Variants in XPO4 observed in about 807,000 individuals in gnomAD.
The protein encoded by XPO4 is exportin-4.
In XPO4, 39 loss-of-function variants were observed where a neutral mutation model predicts 143.0. That is an observed-to-expected ratio of 0.27 (90% CI 0.21 to 0.36). The LOEUF (loss-of-function observed/expected upper bound fraction) is 0.36, where lower values mean the gene tolerates loss of function less well. Ranked by LOEUF, XPO4 falls within the 10% of genes least tolerant of loss-of-function variation. The pLI is 1.00. For synonymous variants in XPO4, 439 were observed against 474.0 expected (o/e 0.93, Z 0.96); for missense variants, 907 against 1,348.0 (o/e 0.67, Z 5.12).
intron 4 of XPO4, chr13:20,852,136 C>T (rs1447681684): frequency 1.0e-6 from 1 of 985,294 alleles, no homozygotes; most frequent in African/African-American, 1.7e-5. Flanking sequence ...AAAATCCTGG[C>T]TGGAATGATC....
chr13:20,841,222 CTT>C (rs748112689), intron 6 of XPO4, among the ~76,000 whole-genome samples: 7 of 152,226 alleles, frequency 4.6e-5, no homozygotes, highest in Non-Finnish European at 8.8e-5. Context: ...TTTTCAATAT[CTT>C]TTCTTTCCCC....
Position 20,807,581 on chromosome 13 carries a change from T to C in XPO4, c.1693A>G (p.Ile565Val). 3.7e-6 allele frequency: 6 copies of C among 1,612,902 alleles called. No individual in the cohort carries two copies. Among genetic ancestry groups the C allele is most frequent in the Non-Finnish European group, 5.1e-6 (6 of 1,179,676 alleles). Residue 565 changes from isoleucine to valine, a missense_variant, in exon 13 of 23, where the codon ATA (isoleucine) becomes GTA (valine). Ile to Val is a conservative substitution (Grantham distance 29). Coordinates refer to ENST00000255305, the MANE Select transcript of XPO4 (RefSeq NM_022459.5). ...GAATGCTTAATGGAATATTCCATTA[T>C]TTCTGGAGGTATTAGCGGAGTCTCT... ...QGETPLIPPEIMEYSIKHSSE... is the reference protein window; with the variant it reads ...QGETPLIPPEVMEYSIKHSSE...
At chr13:20,799,654 G>A (rs2059407334) in intron 15 of XPO4, among the ~76,000 whole-genome samples, 1 of 152,120 alleles carries the variant, frequency 6.6e-6, no homozygotes. Context: ...GACATGCTTA[G>A]AAGAGTACAT....
intron 9 of XPO4, among the ~76,000 whole-genome samples, chr13:20,820,292 T>A (rs571142165): frequency 2.0e-5 from 3 of 152,316 alleles, no homozygotes; most frequent in Non-Finnish European, 4.4e-5. Flanking sequence ...GATGTCAGTG[T>A]CCTCAAATAA....
intron 1 of XPO4, among the ~76,000 whole-genome samples, chr13:20,889,500 T>G (rs1238333005): frequency 1.3e-5 from 2 of 152,152 alleles, no homozygotes; most frequent in African/African-American, 4.8e-5. Context: ...AACTAGTGGA[T>G]AGAGGGTAGG....
chr13:20,849,592 C>T, intron 4 of XPO4: 1 of 985,322 alleles, frequency 1.0e-6, no homozygotes, highest in Non-Finnish European at 1.2e-6. Context: ...AACCACGTAA[C>T]CTTTATAATT....
chr13:20,798,528 A>C (rs753338606), intron 16 of XPO4, among the ~76,000 whole-genome samples: 25 of 152,220 alleles, frequency 1.6e-4, no homozygotes, highest in African/African-American at 2.4e-4. Flanking sequence ...AGACAGGAGA[A>C]TATTTCCCTG....
chr13:20,792,893 T>C (rs1462913434), intron 18 of XPO4, among the ~76,000 whole-genome samples: 2 of 152,054 alleles, frequency 1.3e-5, no homozygotes, highest in Admixed American at 1.3e-4. Flanking sequence ...GTTCAAGCGA[T>C]TCTCCTGCCT....
rs746494622 is a variant in XPO4 at position 20,807,438 on chromosome 13, G to C, written c.1817+19C>G. On this transcript the variant is annotated intron_variant, in intron 13 of 22. Transcript: ENST00000255305. Reference sequence around the variant, plus strand: ...ACAGTATAAAAATTACAAGAGCACAGCTATAGAGTTTATATTACCTAATCA... The same window carrying C: ...ACAGTATAAAAATTACAAGAGCACACCTATAGAGTTTATATTACCTAATCA... The C allele has an allele frequency of 3.1e-6, 5 of 1,602,708 alleles. No homozygotes were observed. The highest frequency in any genetic ancestry group is 4.3e-6 in the Non-Finnish European group (5 of 1,175,474).
At chr13:20,867,603 T>A (rs2060255447) in intron 2 of XPO4, among the ~76,000 whole-genome samples, 1 of 152,122 alleles carries the variant, frequency 6.6e-6, no homozygotes, top group Non-Finnish European at 1.5e-5. Context: ...AGTTGCTACA[T>A]CAGCACTCTT....
intron 4 of XPO4, chr13:20,850,797 T>C (rs2060077184): frequency 1.0e-6 from 1 of 985,098 alleles, no homozygotes; most frequent in South Asian, 4.7e-5. Context: ...GAAACCAATA[T>C]GCTTCAAAAG....
intron 18 of XPO4, among the ~76,000 whole-genome samples, chr13:20,791,305 C>T (rs1191079668): frequency 1.3e-5 from 2 of 152,124 alleles, no homozygotes; most frequent in African/African-American, 2.4e-5. Flanking sequence ...GATAACATTT[C>T]ATTGCCAGTA....
chr13:20,788,664 T>C, intron 19 of XPO4, 48 bp from the exon 20 acceptor site: 2 of 1,482,580 alleles, frequency 1.3e-6, no homozygotes. Context: ...GTATCCAATT[T>C]CTATTTTCAT....
At chr13:20,834,955 A>G (rs1188914063) in intron 6 of XPO4, among the ~76,000 whole-genome samples, 2 of 152,160 alleles carry the variant, frequency 1.3e-5, no homozygotes, top group South Asian at 4.1e-4. Flanking sequence ...GCAAGACCCT[A>G]TCTCTATAAA....
chr13:20,891,357 T>C (rs1411008273), intron 1 of XPO4, among the ~76,000 whole-genome samples: 1 of 152,164 alleles, frequency 6.6e-6, no homozygotes, highest in African/African-American at 2.4e-5. Context: ...TAACTCAACA[T>C]GTATTTATCA....
intron 1 of XPO4, among the ~76,000 whole-genome samples, chr13:20,891,990 G>C (rs976733551): frequency 1.3e-5 from 2 of 151,662 alleles, no homozygotes; most frequent in African/African-American, 2.4e-5. Flanking sequence ...GCTGCCAGTC[G>C]AACATCAAAA....
chr13:20,884,795 A>C (rs1006604531), intron 1 of XPO4, among the ~76,000 whole-genome samples: 2 of 152,210 alleles, frequency 1.3e-5, no homozygotes, highest in African/African-American at 4.8e-5. Flanking sequence ...AGCTGCAGTG[A>C]ACTTTAATTA....
chr13:20,871,235 C>T (rs1307247995), intron 1 of XPO4, among the ~76,000 whole-genome samples: 1 of 152,128 alleles, frequency 6.6e-6, no homozygotes, highest in African/African-American at 2.4e-5. Context: ...TGCTGGAATG[C>T]AGGGGCATGA....
In XPO4 at chr13:20,782,744, A is replaced by C. The variant is rs1199801425; in HGVS notation, c.*978T>G. 6.6e-6 allele frequency: 1 copy of C among 152,636 alleles called. No individual in the cohort carries two copies. The highest frequency in any genetic ancestry group is 1.5e-5 in the Non-Finnish European group (1 of 68,034). 9.5% of individuals were successfully genotyped at this position (152,636 alleles called of 1,614,324 possible). On this transcript the variant is annotated 3_prime_UTR_variant, in exon 23 of 23. Transcript: ENST00000255305. ...AAGGGGCAACAGGTTCATAGCAGCTAACACCCTAAACCAACTCTGAAGCAT... is the reference window on the plus strand; with the variant it reads ...AAGGGGCAACAGGTTCATAGCAGCTCACACCCTAAACCAACTCTGAAGCAT...
Sources: allele counts gnomAD v4.1 joint callset (sites outside exome capture counted in the v4.1 genomes callset), GRCh38; gene constraint gnomAD v4.1.1; transcripts MANE v1.5; gene names NCBI Gene and HGNC (gene_info 2026-07-23, HGNC 2026-07-21).